The following SEPTIN9 variants were observed in gnomAD, a reference collection of about 807,000 sequenced individuals.
SEPTIN9 encodes septin 9, also known as septin-9.
SEPTIN9 carries 13 observed loss-of-function variants against 56.6 expected under a neutral mutation model. The ratio of observed to expected loss-of-function variants is 0.23; its 90% CI spans 0.15 to 0.37. SEPTIN9 has a LOEUF of 0.37. Ranked by LOEUF, SEPTIN9 falls within the 10% of genes least tolerant of loss-of-function variation. SEPTIN9 has a pLI of 1.00. For missense variants in SEPTIN9, 650 were observed against 823.1 expected, an observed-to-expected ratio of 0.79 and a Z score of 2.57; for synonymous variants, 332 against 334.1, an observed-to-expected ratio of 0.99 and a Z score of 0.07.
intron 2 of SEPTIN9, among the ~76,000 whole-genome samples, chr17:77,314,791 C>G (rs1261331346): frequency 6.6e-6 from 1 of 152,232 alleles, no homozygotes; most frequent in Non-Finnish European, 1.5e-5. Context: ...GATGGCTGGA[C>G]CAGCCCCAGG....
chr17:77,364,492 T>C (rs904320156), intron 2 of SEPTIN9, among the ~76,000 whole-genome samples: 2 of 152,232 alleles, frequency 1.3e-5, no homozygotes, highest in Non-Finnish European at 2.9e-5. Flanking sequence ...CACTGGAGCC[T>C]CTTTGGAGTG....
intron 2 of SEPTIN9, among the ~76,000 whole-genome samples, chr17:77,341,044 A>G (rs1454393783): frequency 1.3e-5 from 2 of 152,322 alleles, no homozygotes; most frequent in Non-Finnish European, 2.9e-5. Flanking sequence ...AACTTTCTTC[A>G]TATCAGCATT....
intron 3 of SEPTIN9, among the ~76,000 whole-genome samples, chr17:77,441,802 A>C (rs1322880194): frequency 6.6e-6 from 1 of 152,200 alleles, no homozygotes; most frequent in Non-Finnish European, 1.5e-5. Flanking sequence ...TCCTCCTACC[A>C]GACCTGACCC....
rs541727474 is a variant in SEPTIN9, at chr17:77,329,674, C to G, written c.76+22477C>G. The stretch of plus-strand genomic sequence containing the variant: ...GATGCACTTAACACCTGCTGGTGCC[C>G]CCATCCCCAAGCAGGAACCCTGGTG... On this transcript the variant is annotated intron_variant, in intron 2 of 11. Transcript: ENST00000427177. The surrounding 1 kb of genome is among the most constrained non-coding windows in gnomAD (Gnocchi z 4.3). 6.6e-6 allele frequency among the ~76,000 whole-genome samples: 1 copy of G among 152,268 alleles called. No individual in the cohort carries two copies. Among genetic ancestry groups the G allele is most frequent in the Admixed American group, 6.5e-5 (1 of 15,302 alleles).
At chr17:77,288,053 G>T in intron 1 of SEPTIN9, 1 of 1,063,010 alleles carries the variant, frequency 9.4e-7, no homozygotes, top group African/African-American at 1.6e-5. Context: ...GTCCCCAGAA[G>T]TGCTGGGTTA....
At chr17:77,489,525 G>A (rs920354893) in intron 7 of SEPTIN9, among the ~76,000 whole-genome samples, 2 of 152,232 alleles carry the variant, frequency 1.3e-5, no homozygotes, top group Non-Finnish European at 2.9e-5. Flanking sequence ...GCTGGGAGGA[G>A]GAGGACCAGA....
At chr17:77,378,487 C>T (rs938978282) in intron 2 of SEPTIN9, among the ~76,000 whole-genome samples, 31 of 152,044 alleles carry the variant, frequency 2.0e-4, no homozygotes, top group African/African-American at 7.2e-4. Flanking sequence ...TGGTGGGTGT[C>T]GCGGCTGGTG....
At position 77,288,241 on chromosome 17, in the gene SEPTIN9, C is replaced by CGGA. The variant is rs1728266942; in HGVS notation, c.19+6687_19+6688insGGA. 7.7e-6 allele frequency: 8 copies of CGGA among 1,033,402 alleles called. No individual in the cohort carries two copies. In the South Asian group the frequency reaches 2.3e-4, roughly 30 times the overall value. 64.0% of individuals were successfully genotyped at this position (1,033,402 alleles called of 1,614,324 possible). On this transcript the variant is annotated intron_variant, in intron 1 of 11. Coordinates refer to ENST00000427177, the MANE Select transcript of SEPTIN9 (RefSeq NM_001113491.2). The stretch of plus-strand genomic sequence containing the variant: ...TGCATTGCTCTCTTTCCGGCTCCTC[C>CGGA]CAGGCTGCTTAAATGACCTGTGACG...
At chr17:77,443,619 C>A (rs759055126) in intron 3 of SEPTIN9, among the ~76,000 whole-genome samples, 1 of 151,904 alleles carries the variant, frequency 6.6e-6, no homozygotes, top group Non-Finnish European at 1.5e-5. Context: ...ATGGTGAAAC[C>A]CTGTCTCTGC....
chr17:77,283,157 TTTC>T (rs1158880565), intron 1 of SEPTIN9, among the ~76,000 whole-genome samples: 1 of 114,968 alleles, frequency 8.7e-6, no homozygotes, highest in African/African-American at 2.9e-5. Flanking sequence ...CCTCACTGGG[TTTC>T]TTTTTTTTTT....
intron 2 of SEPTIN9, chr17:77,373,443 C>T (rs1178413151): frequency 3.1e-5 from 46 of 1,479,838 alleles, no homozygotes; most frequent in Middle Eastern, 2.1e-4. Flanking sequence ...CCGGGCCCCG[C>T]CGGGGGCGCT....
Position 77,402,717 on chromosome 17 carries a change from C to T in SEPTIN9, c.721+14C>T, listed in dbSNP as rs777963760. On this transcript the variant is annotated intron_variant, in intron 3 of 11. Transcript: ENST00000427177. This position sits in a 1 kb window ranked among gnomAD's most constrained non-coding sequence, Gnocchi z 6.6. Reference sequence around the variant, plus strand: ...GGAGCCAGGAGGGTGAGTCGCAGAGCGCTAGGTCTTGGATGCTGTGGTAAT... The same window carrying T: ...GGAGCCAGGAGGGTGAGTCGCAGAGTGCTAGGTCTTGGATGCTGTGGTAAT... The T allele has an allele frequency of 9.6e-6, 15 of 1,557,716 alleles. No individual in the cohort carries two copies. Among genetic ancestry groups the T allele is most frequent in the South Asian group, 6.0e-5 (5 of 82,804 alleles).
intron 2 of SEPTIN9, among the ~76,000 whole-genome samples, chr17:77,355,677 G>A (rs1187866358): frequency 2.6e-5 from 4 of 152,088 alleles, no homozygotes; most frequent in South Asian, 2.1e-4. Flanking sequence ...GCAACCCTCC[G>A]CAGAGGTCTT....
Position 77,402,312 on chromosome 17 carries a change from G to A in SEPTIN9, c.330G>A (p.Leu110=), listed in dbSNP as rs1465511903. ...AGCCGGTGTCCCGGCGCACTGAGCT[G>A]TCCATTGACATCTCGTCCAAGCAGG... ...AAEPVSRRTE[L]SIDISSKQVE... Residue 110 remains leucine, a synonymous_variant, in exon 3 of 12, where the codon CTG becomes CTA. Transcript: ENST00000427177. This position sits in a 1 kb window ranked among gnomAD's most constrained non-coding sequence, Gnocchi z 6.6. 19 of 1,612,624 alleles carry A rather than the reference G, an allele frequency of 1.2e-5. No homozygotes were observed. Among genetic ancestry groups the A allele is most frequent in the Admixed American group, 1.7e-5 (1 of 59,986 alleles).
intron 3 of SEPTIN9, among the ~76,000 whole-genome samples, chr17:77,407,245 T>G (rs761241377): frequency 8.0e-6 from 1 of 124,934 alleles, no homozygotes; most frequent in Non-Finnish European, 1.6e-5. Flanking sequence ...ATTGTGCCAC[T>G]GCACTCCAGC....
intron 3 of SEPTIN9, among the ~76,000 whole-genome samples, chr17:77,410,938 G>A (rs956779710): frequency 2.0e-5 from 3 of 152,020 alleles, no homozygotes; most frequent in East Asian, 1.9e-4. Context: ...AGCAATGCAC[G>A]ACGGGGCGTG....
intron 4 of SEPTIN9, among the ~76,000 whole-genome samples, chr17:77,484,613 G>GTGGTGA (rs780160110): frequency 6.0e-5 from 9 of 149,666 alleles, no homozygotes; most frequent in Non-Finnish European, 8.9e-5. Flanking sequence ...GGTGGTGATG[G>GTGGTGA]TGGTGATGGG....
chr17:77,390,601 G>A (rs918465270), intron 2 of SEPTIN9, among the ~76,000 whole-genome samples: 60 of 151,436 alleles, frequency 4.0e-4, no homozygotes, highest in African/African-American at 1.3e-3. Flanking sequence ...ACAGGCGCCC[G>A]CCACCACGCC....
chr17:77,498,465 C>G, intron 11 of SEPTIN9, 58 bp from the exon 12 acceptor site: 1 of 843,876 alleles, frequency 1.2e-6, no homozygotes, highest in Admixed American at 2.1e-5. Flanking sequence ...GCCCCTGCCC[C>G]GCTGCCCCCA....
Sources: allele counts gnomAD v4.1 joint callset (sites outside exome capture counted in the v4.1 genomes callset), GRCh38; gene constraint gnomAD v4.1.1; non-coding constraint Gnocchi (gnomAD v3.1); transcripts MANE v1.5; gene names NCBI Gene and HGNC (gene_info 2026-07-23, HGNC 2026-07-21).